Variants in METTL15 observed in about 807,000 individuals in gnomAD.
The protein encoded by METTL15 is 12S rRNA N(4)-cytidine methyltransferase METTL15.
A neutral mutation model predicts 38.3 loss-of-function variants in METTL15; 34 were observed. The observed-to-expected ratio is 0.89, with a 90% CI of 0.68 to 1.18. The LOEUF is 1.18. Among genes scored for constraint, METTL15 ranks in the 50% most tolerant of loss-of-function variants. The pLI is 0.00. For missense variants in METTL15, 438 were observed against 498.4 expected (o/e 0.88, Z 1.15); for synonymous variants, 162 against 170.9 (o/e 0.95, Z 0.41).
intron 4 of METTL15, chr11:28,287,341 A>T (rs139830809): frequency 4.1e-4 from 109 of 264,872 alleles, no homozygotes; most frequent in African/African-American, 2.3e-3. Flanking sequence ...AACTGGCAGG[A>T]TGGAAACAGA....
intron 3 of METTL15, among the ~76,000 whole-genome samples, chr11:28,202,610 G>GA (rs913414370): frequency 9.3e-5 from 14 of 150,148 alleles, no homozygotes; most frequent in South Asian, 8.4e-4. Context: ...ATTACCTCCT[G>GA]AAAAAAAAAT....
intron 4 of METTL15, among the ~76,000 whole-genome samples, chr11:28,238,789 C>T (rs1024501880): frequency 6.6e-6 from 1 of 152,170 alleles, no homozygotes; most frequent in Admixed American, 6.5e-5. Flanking sequence ...ATAAAGCTTT[C>T]AACTGCCCCA....
intron 3 of METTL15, among the ~76,000 whole-genome samples, chr11:28,210,475 C>T (rs952259940): frequency 1.3e-5 from 2 of 151,560 alleles, no homozygotes; most frequent in Non-Finnish European, 3.0e-5. Context: ...GGTATTTTGA[C>T]TTGAAAAGCA....
chr11:28,480,049 G>T (rs1203225164), intron 6 of METTL15, among the ~76,000 whole-genome samples: 1 of 152,174 alleles, frequency 6.6e-6, no homozygotes, highest in Non-Finnish European at 1.5e-5. Context: ...AAACATGCTA[G>T]AATTTTACTC....
At chr11:28,150,556 T>C (rs950674438) in intron 3 of METTL15, among the ~76,000 whole-genome samples, 1 of 151,904 alleles carries the variant, frequency 6.6e-6, no homozygotes, top group Non-Finnish European at 1.5e-5. Flanking sequence ...TAAAAATATC[T>C]GTACTAACTT....
intron 5 of METTL15, among the ~76,000 whole-genome samples, chr11:28,380,659 T>C (rs964021694): frequency 3.9e-5 from 6 of 152,174 alleles, no homozygotes. Flanking sequence ...GTTTTTGCAT[T>C]GTAATTGTGA....
At chr11:28,497,656 T>A (rs1851546829) in intron 6 of METTL15, among the ~76,000 whole-genome samples, 1 of 152,204 alleles carries the variant, frequency 6.6e-6, no homozygotes. Flanking sequence ...TTGTGCCTAA[T>A]GAGGGCTTGG....
intron 6 of METTL15, among the ~76,000 whole-genome samples, chr11:28,320,946 T>G (rs1244951320): frequency 6.6e-6 from 1 of 152,130 alleles, no homozygotes; most frequent in African/African-American, 2.4e-5. Flanking sequence ...ATTAGGAAAA[T>G]TTTATACTTC....
chr11:28,315,290 A>G (rs572396730), intron 6 of METTL15, among the ~76,000 whole-genome samples: 4 of 152,168 alleles, frequency 2.6e-5, no homozygotes, highest in South Asian at 4.1e-4. Flanking sequence ...GAAATGAGGA[A>G]CTTGTTGGGA....
chr11:28,433,163 G>GTTTTTTTTTTTTTTTTTTTTTTTTT (rs1209820099), intron 6 of METTL15, among the ~76,000 whole-genome samples: 1 of 93,776 alleles, frequency 1.1e-5, no homozygotes, highest in Non-Finnish European at 2.9e-5. Flanking sequence ...GTTTTGTTTT[G>GTTTTTTTTTTTTTTTTTTTTTTTTT]TTTTTTTTGT....
At position 28,311,123 on chromosome 11, in the gene METTL15, G is replaced by A. The variant is rs185306549; in HGVS notation, c.778+14192G>A. On this transcript the variant is annotated intron_variant, in intron 6 of 6. Coordinates refer to ENST00000407364, the MANE Select transcript of METTL15 (RefSeq NM_001113528.2). The stretch of plus-strand genomic sequence containing the variant: ...TCTTTTATCTTCCTCTTGGCAATGT[G>A]GCATGGCAGGCTTTATACAGTCAGA... Among the ~76,000 whole-genome samples the A allele has an allele frequency of 3.7e-3, 562 of 152,100 alleles. 1 individual carries two copies. The highest frequency in any genetic ancestry group is 5.8e-3 in the Non-Finnish European group (396 of 67,996).
chr11:28,509,772 T>C (rs1192779409), intron 6 of METTL15, among the ~76,000 whole-genome samples: 2 of 152,170 alleles, frequency 1.3e-5, no homozygotes, highest in Non-Finnish European at 2.9e-5. Flanking sequence ...CAACCTTATG[T>C]CTAAGCATGC....
chr11:28,224,996 T>C lies in METTL15; in HGVS notation c.407+13798T>C, dbSNP rs1444148932. Reference sequence around the variant, plus strand: ...TTTTTAATTTATTCATCACTGACTTTAGTATTTTTTAAGATAAAAAGTATT... The same window carrying C: ...TTTTTAATTTATTCATCACTGACTTCAGTATTTTTTAAGATAAAAAGTATT... On this transcript the variant is annotated intron_variant, in intron 4 of 6. Coordinates refer to ENST00000407364, the MANE Select transcript of METTL15 (RefSeq NM_001113528.2). 4.6e-5 allele frequency among the ~76,000 whole-genome samples: 7 copies of C among 151,912 alleles called. No individual in the cohort carries two copies. The South Asian group carries it at 1.2e-3, about 27-fold the overall frequency.
chr11:28,202,937 T>G (rs1338753830), intron 3 of METTL15, among the ~76,000 whole-genome samples: 1 of 151,804 alleles, frequency 6.6e-6, no homozygotes, highest in African/African-American at 2.4e-5. Flanking sequence ...TTCGACAGTG[T>G]TGTTACAGTG....
At chr11:28,415,403 AT>A (rs2133416204) in intron 5 of METTL15, among the ~76,000 whole-genome samples, 1 of 152,338 alleles carries the variant, frequency 6.6e-6, no homozygotes, top group Admixed American at 6.5e-5. Flanking sequence ...GAATCCAGCT[AT>A]TATTAGCTAT....
chr11:28,529,902 A>C (rs1354886076), downstream of METTL15, among the ~76,000 whole-genome samples: 1 of 152,160 alleles, frequency 6.6e-6, no homozygotes, highest in Non-Finnish European at 1.5e-5. Context: ...TCCATAAAAA[A>C]TTAGTTTCTG....
intron 5 of METTL15, among the ~76,000 whole-genome samples, chr11:28,411,598 A>G (rs1850724699): frequency 6.6e-6 from 1 of 151,342 alleles, no homozygotes; most frequent in Admixed American, 6.6e-5. Context: ...GGATGGATAA[A>G]AGACCTAAAT....
chr11:28,462,163 G>A (rs1851221599), intron 6 of METTL15, among the ~76,000 whole-genome samples: 2 of 152,014 alleles, frequency 1.3e-5, no homozygotes, highest in South Asian at 4.2e-4. Context: ...GGCCAGAGAA[G>A]GGCTTGACGT....
intron 6 of METTL15, among the ~76,000 whole-genome samples, chr11:28,478,419 A>T (rs1009397688): frequency 6.6e-6 from 1 of 152,216 alleles, no homozygotes; most frequent in Non-Finnish European, 1.5e-5. Flanking sequence ...TAGACAACAG[A>T]AGACAAATAT....
Sources: gnomAD v4.1 joint callset for allele counts (sites outside exome capture counted in the v4.1 genomes callset) on GRCh38, gnomAD v4.1.1 for gene constraint, MANE v1.5 for transcripts, NCBI Gene and HGNC (gene_info 2026-07-23, HGNC 2026-07-21) for gene names.